The following TEX14 variants were observed in gnomAD, a reference collection of about 807,000 sequenced individuals.
TEX14 encodes testis expressed 14, intercellular bridge forming factor.
In TEX14, 168 loss-of-function variants were observed where a neutral mutation model predicts 178.6. The ratio of observed to expected loss-of-function variants is 0.94; its 90% CI spans 0.83 to 1.07. TEX14 has a LOEUF of 1.07. Ranked by LOEUF, TEX14 falls within the 50% of genes least tolerant of loss-of-function variation. The pLI is 0.00. For synonymous variants in TEX14, 626 were observed against 634.1 expected (o/e 0.99, Z 0.19); for missense variants, 1,730 against 1,753.6 (o/e 0.99, Z 0.24).
At chr17:58,656,418 C>T (rs1409136765) in intron 1 of TEX14, among the ~76,000 whole-genome samples, 1 of 149,136 alleles carries the variant, frequency 6.7e-6, no homozygotes, top group Non-Finnish European at 1.5e-5. Context: ...GCACTCCAGC[C>T]TGGGCAACAG....
At chr17:58,576,066 A>G (rs1439668771) in intron 21 of TEX14, among the ~76,000 whole-genome samples, 1 of 152,256 alleles carries the variant, frequency 6.6e-6, no homozygotes, top group Non-Finnish European at 1.5e-5. Flanking sequence ...AATTATAATT[A>G]AGGAAACTGA....
At position 58,569,023 on chromosome 17, in the gene TEX14, G is replaced by A. The variant is rs1390219075; in HGVS notation, c.3886+169C>T. Among the ~76,000 whole-genome samples the A allele has an allele frequency of 6.6e-6, 1 of 152,068 alleles. No individual in the cohort carries two copies. Among genetic ancestry groups the A allele is most frequent in the Non-Finnish European group, 1.5e-5 (1 of 68,010 alleles). On this transcript the variant is annotated intron_variant, in intron 26 of 31. Coordinates refer to ENST00000349033, the MANE Select transcript of TEX14 (RefSeq NM_031272.5). The surrounding 1 kb of genome is among the most constrained non-coding windows in gnomAD (Gnocchi z 4.1). The stretch of plus-strand genomic sequence containing the variant: ...TGGCCAGGCTGTGGCTCATTTTATT[G>A]CAAAACTGCCCCTTCCTAAATTTTG...
intron 23 of TEX14, among the ~76,000 whole-genome samples, chr17:58,572,536 G>A (rs1046782047): frequency 2.0e-5 from 3 of 151,906 alleles, no homozygotes; most frequent in Non-Finnish European, 2.9e-5. Flanking sequence ...GGAGGCTGAG[G>A]CAGGAGAATG....
chr17:58,666,458 CAAAAAAAAAAAAAAAAAAA>C (rs141683264), intron 1 of TEX14: 3 of 36,812 alleles, frequency 8.1e-5, no homozygotes, highest in Non-Finnish European at 1.4e-4. Context: ...CCTTCCACGG[CAAAAAAAAAAAAAAAAAAA>C]AAAAAAAAAA....
chr17:58,569,118 CAA>C lies in TEX14; in HGVS notation c.3886+72_3886+73del. 7.8e-7 allele frequency: 1 copy of C among 1,275,674 alleles called. No homozygotes were observed. Among genetic ancestry groups the C allele is most frequent in the Non-Finnish European group, 1.1e-6 (1 of 887,620 alleles). The allele number at this position is 1,275,674 out of a possible 1,614,324, so 79.0% of individuals were successfully genotyped here. A position where few individuals can be genotyped will look rare whatever the true frequency, so the allele number is the denominator to read the frequency against. ...TTTATACTAGTGTTCACACTTGAGA[CAA>C]AGACACCATACTGTGGTCAGTGACA... On this transcript the variant is annotated intron_variant, in intron 26 of 31. Coordinates refer to ENST00000349033, the MANE Select transcript of TEX14 (RefSeq NM_031272.5). The surrounding 1 kb of genome is among the most constrained non-coding windows in gnomAD (Gnocchi z 4.1).
intron 3 of TEX14, among the ~76,000 whole-genome samples, chr17:58,626,669 G>T (rs1217496250): frequency 6.6e-6 from 1 of 151,632 alleles, no homozygotes; most frequent in East Asian, 1.9e-4. Flanking sequence ...ATCACCTGAG[G>T]TCAGGAATTC....
chr17:58,668,444 A>G (rs2047249847), intron 1 of TEX14, among the ~76,000 whole-genome samples: 1 of 152,220 alleles, frequency 6.6e-6, no homozygotes, highest in Non-Finnish European at 1.5e-5. Flanking sequence ...AAGTAACTGG[A>G]GCCTGGGTCC....
intron 26 of TEX14, among the ~76,000 whole-genome samples, chr17:58,568,804 A>G (rs1227660753): frequency 6.6e-6 from 1 of 152,226 alleles, no homozygotes; most frequent in Non-Finnish European, 1.5e-5. Context: ...CAAAACTGAA[A>G]GCACAGGTGT....
In TEX14 at chr17:58,617,537, C is replaced by A; in HGVS notation, c.636+1G>T. 5 of 1,612,950 alleles carry A rather than the reference C, an allele frequency of 3.1e-6. No homozygotes were observed. The highest frequency in any genetic ancestry group is 3.4e-6 in the Non-Finnish European group (4 of 1,179,276). ...ACTGGCTGTCAGTGGCAACCTCTTA[C>A]CTTCCCAAAACCAAAGCTGTAGATA... On this transcript the variant is annotated splice_donor_variant, in intron 6 of 31. Coordinates refer to ENST00000349033, the MANE Select transcript of TEX14 (RefSeq NM_031272.5). LOFTEE classifies it high-confidence loss of function.
At chr17:58,660,926 G>A in intron 1 of TEX14, 1 of 913,066 alleles carries the variant, frequency 1.1e-6, no homozygotes, top group Non-Finnish European at 1.9e-6. Flanking sequence ...CTCTCTTGAA[G>A]AGTCTTTCTC....
At chr17:58,672,882 C>T (rs1447764756) in intron 1 of TEX14, among the ~76,000 whole-genome samples, 1 of 150,818 alleles carries the variant, frequency 6.6e-6, no homozygotes, top group Non-Finnish European at 1.5e-5. Context: ...CAGATGCGTG[C>T]CACCATGCCT....
intron 3 of TEX14, among the ~76,000 whole-genome samples, chr17:58,627,913 C>CTT (rs1172697593): frequency 0.045 from 3,375 of 75,486 alleles, 15 homozygotes; most frequent in Non-Finnish European, 0.054. Context: ...CCCATGCCAC[C>CTT]TTTTTTTTTT....
chr17:58,662,260 C>G lies in TEX14; in HGVS notation c.-1-10258G>C, dbSNP rs1040535173. ...GGTCAGGAGACCGAGACCATCCTGG[C>G]TAACACGGTGAAACCCCATCTCTAC... On this transcript the variant is annotated intron_variant, in intron 1 of 31. Coordinates refer to ENST00000349033, the MANE Select transcript of TEX14 (RefSeq NM_031272.5). Among the ~76,000 whole-genome samples the G allele has an allele frequency of 2.0e-5, 3 of 151,884 alleles. 1 individual carries two copies. The highest frequency in any genetic ancestry group is 2.0e-4 in the Admixed American group (3 of 15,254).
rs544663597 is a variant in TEX14, at chr17:58,606,398, G to A, written c.1185-1269C>T. Among the ~76,000 whole-genome samples, 3 of 152,306 alleles carry A rather than the reference G, an allele frequency of 2.0e-5. No individual in the cohort carries two copies. In the East Asian group the frequency reaches 5.8e-4, roughly 29 times the overall value. ...TAAGAATTAAGTTTTTAAAAAGCAAGTGACAGCAAGTTTTTTGTTGGTCTG... is the reference window on the plus strand; with the variant it reads ...TAAGAATTAAGTTTTTAAAAAGCAAATGACAGCAAGTTTTTTGTTGGTCTG... On this transcript the variant is annotated intron_variant, in intron 10 of 31. Transcript: ENST00000349033.
chr17:58,669,809 G>A (rs1806369104), intron 1 of TEX14, among the ~76,000 whole-genome samples: 1 of 150,606 alleles, frequency 6.6e-6, no homozygotes, highest in Non-Finnish European at 1.5e-5. Flanking sequence ...ACCCTCATGT[G>A]AATACATGTT....
intron 19 of TEX14, chr17:58,581,703 G>A: frequency 6.2e-7 from 1 of 1,613,180 alleles, no homozygotes; most frequent in Non-Finnish European, 8.5e-7. Flanking sequence ...GAAGACTCTG[G>A]TGAACAAGTT....
intron 1 of TEX14, among the ~76,000 whole-genome samples, chr17:58,673,126 AACTCTGAGGGG>A (rs1161353446): frequency 2.6e-5 from 4 of 152,102 alleles, no homozygotes; most frequent in African/African-American, 9.7e-5. Flanking sequence ...GAAATTTTGA[AACTCTGAGGGG>A]ATGTTTTTGT....
chr17:58,606,040 CA>C (rs1212715580), intron 10 of TEX14, among the ~76,000 whole-genome samples: 3 of 152,194 alleles, frequency 2.0e-5, no homozygotes, highest in Non-Finnish European at 4.4e-5. Context: ...GGGACTTCCC[CA>C]ACTCCTCATG....
chr17:58,594,346 G>C (rs2045229548), intron 14 of TEX14, among the ~76,000 whole-genome samples: 1 of 151,558 alleles, frequency 6.6e-6, no homozygotes, highest in African/African-American at 2.4e-5. Flanking sequence ...TAACATAAGA[G>C]AATCTTTTTC....
Sources: gnomAD v4.1 joint callset for allele counts (sites outside exome capture counted in the v4.1 genomes callset) on GRCh38, gnomAD v4.1.1 for gene constraint, Gnocchi (gnomAD v3.1) non-coding constraint, MANE v1.5 for transcripts, NCBI Gene and HGNC (gene_info 2026-07-23, HGNC 2026-07-21) for gene names.